Variants in TENM2 observed in about 807,000 individuals in gnomAD.
TENM2 encodes the protein teneurin transmembrane protein 2, also known as teneurin-2.
A neutral mutation model predicts 245.2 loss-of-function variants in TENM2; 52 were observed. That is an observed-to-expected ratio of 0.21 (90% CI 0.17 to 0.27). The LOEUF is 0.27. Ranked by LOEUF, TENM2 falls within the 10% of genes least tolerant of loss-of-function variation. TENM2 has a pLI of 1.00. For synonymous variants in TENM2, 1,363 were observed against 1,438.9 expected, an observed-to-expected ratio of 0.95 and a Z score of 1.19; for missense variants, 3,046 against 3,666.8, an observed-to-expected ratio of 0.83 and a Z score of 4.37.
chr5:167,311,346 T>C (rs1317262685), intron 1 of TENM2, among the ~76,000 whole-genome samples: 1 of 152,196 alleles, frequency 6.6e-6, no homozygotes, highest in African/African-American at 2.4e-5. Context: ...TGAATAGCAA[T>C]TGTTTTTATC....
intron 6 of TENM2, among the ~76,000 whole-genome samples, chr5:168,051,995 C>T (rs1330196569): frequency 6.6e-6 from 1 of 152,136 alleles, no homozygotes; most frequent in Non-Finnish European, 1.5e-5. Flanking sequence ...TGCAGTGGCT[C>T]ACGCCTGTAA....
Position 168,047,649 on chromosome 5 carries a change from C to A in TENM2, c.1309+100C>A, listed in dbSNP as rs553688180. 2.9e-6 allele frequency: 4 copies of A among 1,399,616 alleles called. No individual in the cohort carries two copies. In the East Asian group the frequency reaches 7.5e-5, roughly 26 times the overall value. 86.7% of individuals were successfully genotyped at this position (1,399,616 alleles called of 1,614,324 possible). The stretch of plus-strand genomic sequence containing the variant: ...TCTAATCCAAATCTTGGAAGGTATG[C>A]CAAAAGAAAAAGAAACGGGGGGAAA... On this transcript the variant is annotated intron_variant, in intron 6 of 28. Coordinates refer to ENST00000518659, the Ensembl canonical transcript of TENM2.
At chr5:167,782,312 T>C (rs1335262594) in intron 2 of TENM2, among the ~76,000 whole-genome samples, 1 of 21,804 alleles carries the variant, frequency 4.6e-5, no homozygotes, top group Non-Finnish European at 7.0e-5. Context: ...AAACTCTGTC[T>C]CAAAAAAAAA....
intron 12 of TENM2, among the ~76,000 whole-genome samples, chr5:168,143,953 G>A (rs1755798776): frequency 1.3e-5 from 2 of 148,984 alleles, no homozygotes; most frequent in South Asian, 4.3e-4. Flanking sequence ...GGGTTCAAGA[G>A]ATTCTCCTGC....
At chr5:167,000,474 C>T in the TENM2 span, among the ~76,000 whole-genome samples, 3 of 152,044 alleles carry the variant, frequency 2.0e-5, no homozygotes, top group South Asian at 2.1e-4. Context: ...CAAAACTGAC[C>T]TCTAACTACC....
the TENM2 span, among the ~76,000 whole-genome samples, chr5:166,988,357 T>G: frequency 2.0e-5 from 3 of 152,332 alleles, no homozygotes; most frequent in East Asian, 5.8e-4. Flanking sequence ...CAACTTTGAC[T>G]CAGCTCTTTT....
chr5:168,097,961 G>A, intron 8 of TENM2, 65 bp from the exon 11 acceptor site: 6 of 1,252,212 alleles, frequency 4.8e-6, no homozygotes, highest in Non-Finnish European at 6.9e-6. Flanking sequence ...GCAAGTTACT[G>A]ACGGTTAAAT....
chr5:167,308,020 C>T (rs930000960), intron 1 of TENM2: 5 of 152,388 alleles, frequency 3.3e-5, no homozygotes, highest in African/African-American at 1.2e-4. Context: ...TTGCCTAGAC[C>T]TCTTCATCCG....
At chr5:167,986,386 T>C (rs533410194) in intron 4 of TENM2, among the ~76,000 whole-genome samples, 2 of 152,316 alleles carry the variant, frequency 1.3e-5, no homozygotes, top group Non-Finnish European at 2.9e-5. Flanking sequence ...ACCTTTGCCT[T>C]ACTATTCCAT....
At chr5:167,072,873 C>A in the TENM2 span, among the ~76,000 whole-genome samples, 6 of 151,976 alleles carry the variant, frequency 3.9e-5, no homozygotes, top group African/African-American at 1.5e-4. Flanking sequence ...AACATAAGGT[C>A]TGTATATTGC....
chr5:167,584,843 C>G (rs966567175), intron 2 of TENM2, among the ~76,000 whole-genome samples: 1 of 151,944 alleles, frequency 6.6e-6, no homozygotes, highest in Non-Finnish European at 1.5e-5. Context: ...TACAGGCGCC[C>G]GCCACCACGC....
chr5:167,796,658 T>C lies in TENM2; in HGVS notation c.503-79328T>C, dbSNP rs550929024. On this transcript the variant is annotated intron_variant, in intron 2 of 28. Transcript: ENST00000518659. ...TGCGTGTGCAGAATTGTTTGATTAA[T>C]GTTTGTCTCTCCTGTAGAGTTGGGA... is the stretch of plus-strand genomic sequence containing the variant. Among the ~76,000 whole-genome samples, 16 of 152,192 alleles carry C rather than the reference T, an allele frequency of 1.1e-4. No individual in the cohort carries two copies. The East Asian group carries it at 3.1e-3, about 29-fold the overall frequency.
chr5:168,172,106 T>TGGTGGGGA (rs1240270332), intron 13 of TENM2, among the ~76,000 whole-genome samples: 90 of 152,326 alleles, frequency 5.9e-4, no homozygotes, highest in African/African-American at 2.1e-3. Flanking sequence ...CGAGTCATGG[T>TGGTGGGGA]GGTGGGGAGG....
chr5:167,721,634 A>G (rs890724166), intron 2 of TENM2, among the ~76,000 whole-genome samples: 2 of 152,188 alleles, frequency 1.3e-5, no homozygotes, highest in South Asian at 4.1e-4. Flanking sequence ...ACAGCCAGGA[A>G]AATTTCCCCA....
chr5:167,023,556 TA>T, the TENM2 span, among the ~76,000 whole-genome samples: 2 of 152,210 alleles, frequency 1.3e-5, no homozygotes, highest in Non-Finnish European at 2.9e-5. Context: ...ATGCATCTAA[TA>T]AAAATGTCAT....
At chr5:167,740,480 T>C (rs1462764850) in intron 2 of TENM2, among the ~76,000 whole-genome samples, 1 of 152,178 alleles carries the variant, frequency 6.6e-6, no homozygotes, top group Non-Finnish European at 1.5e-5. Context: ...AATTTCCCTT[T>C]CTATATAATT....
chr5:167,951,901 T>G (rs1780140311), intron 3 of TENM2, among the ~76,000 whole-genome samples: 1 of 152,112 alleles, frequency 6.6e-6, no homozygotes, highest in Admixed American at 6.5e-5. Flanking sequence ...TACATATATA[T>G]AAATCTCATT....
the TENM2 span, among the ~76,000 whole-genome samples, chr5:167,259,470 A>C: frequency 6.6e-6 from 1 of 152,244 alleles, no homozygotes; most frequent in Admixed American, 6.5e-5. Context: ...ATATGTCTTC[A>C]TGCCAGATAT....
the TENM2 span, among the ~76,000 whole-genome samples, chr5:167,111,868 T>A: frequency 0.014 from 2,066 of 152,328 alleles, 20 homozygotes; most frequent in Middle Eastern, 0.041. Context: ...TTCCGTCCTA[T>A]TATGCCTCAT....
Sources: gnomAD v4.1 joint callset for allele counts (sites outside exome capture counted in the v4.1 genomes callset) on GRCh38, gnomAD v4.1.1 for gene constraint, MANE v1.5 for transcripts, NCBI Gene and HGNC (gene_info 2026-07-23, HGNC 2026-07-21) for gene names.